Variants in MYO1A observed in about 807,000 individuals in gnomAD.
MYO1A encodes the protein unconventional myosin-Ia.
MYO1A carries 127 observed loss-of-function variants against 138.5 expected under a neutral mutation model. That is an observed-to-expected ratio of 0.92 (90% CI 0.79 to 1.06). The LOEUF is 1.06. MYO1A is among the 50% of genes least tolerant of loss of function. The pLI is 0.00. For synonymous variants in MYO1A, 477 were observed against 497.5 expected (o/e 0.96, Z 0.55); for missense variants, 1,211 against 1,288.8 (o/e 0.94, Z 0.92).
intron 26 of MYO1A, 41 bp downstream of exon 26, chr12:57,029,394 A>G (rs2030146480): frequency 6.2e-7 from 1 of 1,613,612 alleles, no homozygotes; most frequent in South Asian, 1.1e-5. Context: ...GATGCATACC[A>G]CCTTCTCCAG....
intron 22 of MYO1A, among the ~76,000 whole-genome samples, chr12:57,032,638 G>A (rs1261076279): frequency 6.6e-6 from 1 of 151,878 alleles, no homozygotes; most frequent in Admixed American, 6.6e-5. Flanking sequence ...AGCCAAGATC[G>A]CACCACTGCA....
rs1193569546 is a variant in MYO1A, at chr12:57,039,004, C to G, written c.1338G>C (p.Gln446His). The G allele has an allele frequency of 9.9e-6, 16 of 1,613,700 alleles. No individual in the cohort carries two copies. The highest frequency in any genetic ancestry group is 1.4e-5 in the Non-Finnish European group (16 of 1,179,802). ...GIICKLIEHN[Q>H]RGILAMLDEE... ...CATCCAACATGGCCAGGATACCTCG[C>G]TGATTCTGGGCCGGGGGAACAAAAG... Residue 446 changes from glutamine (Q) to histidine (H), a missense_variant, in exon 16 of 28, where the codon CAG becomes CAC. Physicochemically the swap from Gln to His is conservative, Grantham distance 24. Coordinates refer to ENST00000300119, the MANE Select transcript of MYO1A (RefSeq NM_005379.4).
At chr12:57,043,018 G>A (rs1389189591) in intron 12 of MYO1A, 54 bp downstream of exon 12, 3 of 1,571,102 alleles carry the variant, frequency 1.9e-6, no homozygotes, top group Non-Finnish European at 1.8e-6. Flanking sequence ...CTGGTGACAG[G>A]GCAGGAAGGT....
chr12:57,039,177 G>A, intron 15 of MYO1A, 35 bp downstream of exon 15: 1 of 1,603,140 alleles, frequency 6.2e-7, no homozygotes, highest in Non-Finnish European at 8.5e-7. Context: ...CAGTCTGGAA[G>A]GGGAAGTCCC....
chr12:57,042,155 C>G (rs374768232), intron 12 of MYO1A, among the ~76,000 whole-genome samples: 20 of 152,348 alleles, frequency 1.3e-4, no homozygotes, highest in African/African-American at 4.1e-4. Flanking sequence ...CCTCTCCCCC[C>G]AGCCCTTGGC....
At chr12:57,043,407 A>G (rs1391770328) in intron 10 of MYO1A, 49 bp from the exon 11 acceptor site, 3 of 1,554,094 alleles carry the variant, frequency 1.9e-6, no homozygotes, top group African/African-American at 2.7e-5. Flanking sequence ...GCTTTCTCTC[A>G]GGGGAGGGAG....
At position 57,043,064 on chromosome 12, in the gene MYO1A, C is replaced by T. The variant is rs2030927948; in HGVS notation, c.1098+8G>A. 6.2e-7 allele frequency: 1 copy of T among 1,614,038 alleles called. No homozygotes were observed. The highest frequency in any genetic ancestry group is 8.5e-7 in the Non-Finnish European group (1 of 1,179,944). Reference sequence around the variant, plus strand: ...GGAGAGCATGGAGAAAGCAGAGCGGCCACTTGCCTTGATGCTCTCATTGAT... The same window carrying T: ...GGAGAGCATGGAGAAAGCAGAGCGGTCACTTGCCTTGATGCTCTCATTGAT... On this transcript the variant is annotated splice_region_variant and intron_variant, in intron 12 of 27. Coordinates refer to ENST00000300119, the MANE Select transcript of MYO1A (RefSeq NM_005379.4).
chr12:57,029,445 T>A lies in MYO1A; in HGVS notation c.2867A>T (p.His956Leu). The A allele has an allele frequency of 6.2e-7, 1 of 1,614,140 alleles. No individual in the cohort carries two copies. The highest frequency in any genetic ancestry group is 1.7e-4 in the Middle Eastern group (1 of 6,056). ...ACCCAGCTCTGATACCTCACTCAGA[T>A]GCAAGCTAAAGAGCCCATCCTTGAG... ...TSLKDGLFSL[H>L]LSEMSSVGSK... is the part of the protein sequence containing the mutation. Residue 956 changes from histidine to leucine, a missense_variant, in exon 26 of 28, where the codon CAT (histidine) becomes CTT (leucine). Transcript: ENST00000300119.
chr12:57,039,873 G>C (rs184078604), intron 14 of MYO1A, among the ~76,000 whole-genome samples: 12 of 152,310 alleles, frequency 7.9e-5, no homozygotes, highest in African/African-American at 2.9e-4. Flanking sequence ...AGGTGATTTT[G>C]ATACTGCTGG....
intron 9 of MYO1A, 51 bp downstream of exon 9, chr12:57,044,055 C>T (rs750067495): frequency 2.9e-5 from 47 of 1,614,020 alleles, no homozygotes; most frequent in South Asian, 2.9e-4. Context: ...CAGTCCAATG[C>T]GAATAGAGGA....
chr12:57,048,215 TCTC>T lies in MYO1A; in HGVS notation c.106_108del (p.Glu36del), dbSNP rs751238680. ...GGCACCCATATGACACTCACATAAA[TCTC>T]CTTGTTTTCATAGCGAAGCTGAAGA... On this transcript the variant is annotated inframe_deletion, in exon 2 of 28. Coordinates refer to ENST00000300119, the MANE Select transcript of MYO1A (RefSeq NM_005379.4). The T allele has an allele frequency of 1.8e-4, 283 of 1,613,470 alleles. No homozygotes were observed. The highest frequency in any genetic ancestry group is 1.4e-3 in the Admixed American group (85 of 59,984).
intron 7 of MYO1A, 105 bp downstream of exon 7, chr12:57,046,758 G>A: frequency 6.6e-7 from 1 of 1,514,928 alleles, no homozygotes; most frequent in Non-Finnish European, 9.2e-7. Context: ...TGGTTGGGAA[G>A]TCTCCTTGAC....
Position 57,043,127 on chromosome 12 carries a change from T to C in MYO1A, c.1043A>G (p.Asn348Ser). Residue 348 changes from asparagine (N) to serine (S), a missense_variant, in exon 12 of 28, where the codon AAC becomes AGC. Asn to Ser is a conservative substitution (Grantham distance 46). Coordinates refer to ENST00000300119, the MANE Select transcript of MYO1A (RefSeq NM_005379.4). ...AQYARDALAK[N>S]IYSRLFDWIV... ...CCAGTCAAAGAGGCGGCTGTAGATG[T>C]TCTTAGCCAGGGCGTCCCGAGCATA... is the stretch of plus-strand genomic sequence containing the variant. 6.2e-7 allele frequency: 1 copy of C among 1,614,146 alleles called. No homozygotes were observed. Among genetic ancestry groups the C allele is most frequent in the South Asian group, 1.1e-5 (1 of 91,072 alleles).
intron 14 of MYO1A, chr12:57,039,475 G>A (rs1030671317): frequency 3.0e-5 from 18 of 604,604 alleles, no homozygotes; most frequent in East Asian, 1.5e-4. Context: ...ACAGACACAC[G>A]GAAGGAATTG....
At chr12:57,036,703 G>C in intron 21 of MYO1A, 69 bp downstream of exon 21, 1 of 1,573,806 alleles carries the variant, frequency 6.4e-7, no homozygotes, top group African/African-American at 1.3e-5. Context: ...GCTCTCTGCT[G>C]CTCTAGCCAG....
At chr12:57,042,455 C>A (rs1196656080) in intron 12 of MYO1A, among the ~76,000 whole-genome samples, 1 of 152,118 alleles carries the variant, frequency 6.6e-6, no homozygotes, top group Non-Finnish European at 1.5e-5. Flanking sequence ...CATTTGTGCA[C>A]AAATTTTAGT....
At chr12:57,038,721 C>T in intron 16 of MYO1A, 83 bp from the exon 17 acceptor site, 2 of 1,608,688 alleles carry the variant, frequency 1.2e-6, no homozygotes. Flanking sequence ...TGAAGTATTC[C>T]AGACTCTCAC....
intron 1 of MYO1A, among the ~76,000 whole-genome samples, chr12:57,049,188 G>T (rs1223355720): frequency 3.3e-5 from 5 of 152,330 alleles, no homozygotes; most frequent in South Asian, 2.1e-4. Flanking sequence ...GGAACTACAG[G>T]GAGGGTGGTG....
At chr12:57,031,196 T>G (rs55998439) in intron 22 of MYO1A, 22 bp from the exon 23 acceptor site, 7 of 1,613,956 alleles carry the variant, frequency 4.3e-6, no homozygotes, top group Non-Finnish European at 5.1e-6. Flanking sequence ...CCAGGGGGAT[T>G]GGGAGTGGAG....
Sources: gnomAD v4.1 joint callset for allele counts (sites outside exome capture counted in the v4.1 genomes callset) on GRCh38, gnomAD v4.1.1 for gene constraint, MANE v1.5 for transcripts, NCBI Gene and HGNC (gene_info 2026-07-23, HGNC 2026-07-21) for gene names.